REC114: variants seen among roughly 807,000 people sequenced by gnomAD.
REC114 encodes meiotic recombination protein REC114.
Under a neutral mutation model 31.3 loss-of-function variants are expected in REC114, and 27 were observed. That is an observed-to-expected ratio of 0.86 (90% CI 0.64 to 1.19). The LOEUF is 1.19. Among genes scored for constraint, REC114 ranks in the 50% most tolerant of loss-of-function variants. REC114 has a pLI of 0.00. For synonymous variants in REC114, 134 were observed against 127.7 expected, an observed-to-expected ratio of 1.05 and a Z score of -0.33; for missense variants, 344 against 326.9, an observed-to-expected ratio of 1.05 and a Z score of -0.40.
At chr15:73,476,188 T>C (rs1327367483) in intron 2 of REC114, among the ~76,000 whole-genome samples, 1 of 152,232 alleles carries the variant, frequency 6.6e-6, no homozygotes, top group African/African-American at 2.4e-5. Flanking sequence ...ACTATACATA[T>C]ATAACTTAAA....
At chr15:73,505,329 C>T (rs1032588224) in intron 2 of REC114, among the ~76,000 whole-genome samples, 4 of 152,052 alleles carry the variant, frequency 2.6e-5, no homozygotes, top group African/African-American at 7.2e-5. Flanking sequence ...CAGGCTCTAC[C>T]ATGTGTACTC....
In REC114 at chr15:73,551,024, G is replaced by C; in HGVS notation, c.420G>C (p.Leu140=). The change falls in exon 4 of 6, where the codon CTG becomes CTC. Residue 140 remains leucine, a synonymous_variant. Coordinates refer to ENST00000331090, the MANE Select transcript of REC114 (RefSeq NM_001042367.2). The stretch of plus-strand genomic sequence containing the variant: ...ACTGCTGCAGTTGTGTTCAGAAGCT[G>C]GCACAATACATAACCGTGCAGGTGC... The part of the protein sequence containing the change: ...LEHCCSCVQK[L]AQYITVQVPD... 1 of 1,613,894 alleles carries C rather than the reference G, an allele frequency of 6.2e-7. No individual in the cohort carries two copies.
chr15:73,530,019 A>C (rs1441352169), intron 2 of REC114, among the ~76,000 whole-genome samples: 4 of 152,222 alleles, frequency 2.6e-5, no homozygotes, highest in Non-Finnish European at 5.9e-5. Context: ...ACTCCTTCCA[A>C]ATAGCCTATA....
At chr15:73,471,093 A>G (rs1230588135) in intron 1 of REC114, among the ~76,000 whole-genome samples, 6 of 152,160 alleles carry the variant, frequency 3.9e-5, no homozygotes, top group African/African-American at 1.4e-4. Context: ...ACATGATCTG[A>G]CTTATATTTT....
chr15:73,450,801 C>T (rs1466516838), intron 1 of REC114, among the ~76,000 whole-genome samples: 1 of 152,182 alleles, frequency 6.6e-6, no homozygotes, highest in African/African-American at 2.4e-5. Flanking sequence ...GTCCACAGTG[C>T]AATAAAATTA....
chr15:73,540,603 C>T (rs372215460), intron 3 of REC114, 35 bp downstream of exon 3: 7 of 1,552,132 alleles, frequency 4.5e-6, no homozygotes, highest in Non-Finnish European at 6.2e-6. Context: ...CTCTTCTCAT[C>T]TTCTATGTGT....
At position 73,470,435 on chromosome 15, in the gene REC114, A is replaced by G. The variant is rs76564111; in HGVS notation, c.160-3397A>G. The stretch of plus-strand genomic sequence containing the variant: ...CTTCCTTTCACATTTCTTTCAGTGC[A>G]GATCTGCTGGTGATGAATTCTTTCT... On this transcript the variant is annotated intron_variant, in intron 1 of 5. Coordinates refer to ENST00000331090, the MANE Select transcript of REC114 (RefSeq NM_001042367.2). Among the ~76,000 whole-genome samples the G allele has an allele frequency of 5.3e-5, 8 of 152,288 alleles. No homozygotes were observed. The East Asian group carries it at 1.3e-3, about 26-fold the overall frequency.
intron 1 of REC114, among the ~76,000 whole-genome samples, chr15:73,473,569 C>T (rs1893164508): frequency 6.6e-6 from 1 of 152,114 alleles, no homozygotes; most frequent in Admixed American, 6.5e-5. Context: ...GGACCCACAA[C>T]TCATGATTCT....
At chr15:73,526,677 A>G (rs1385885790) in intron 2 of REC114, among the ~76,000 whole-genome samples, 2 of 152,038 alleles carry the variant, frequency 1.3e-5, no homozygotes. Context: ...TTTTCTGCTA[A>G]TTTTATCATC....
intron 2 of REC114, among the ~76,000 whole-genome samples, chr15:73,536,993 C>T (rs1284466058): frequency 6.6e-6 from 1 of 152,082 alleles, no homozygotes; most frequent in Non-Finnish European, 1.5e-5. Flanking sequence ...AGCATAGTAC[C>T]CAATAGATAG....
intron 2 of REC114, among the ~76,000 whole-genome samples, chr15:73,525,568 G>A (rs1448469141): frequency 1.3e-5 from 2 of 150,842 alleles, no homozygotes; most frequent in Middle Eastern, 3.2e-3. Context: ...GTTTTATTCT[G>A]TGATTTTTTT....
intron 3 of REC114, among the ~76,000 whole-genome samples, chr15:73,545,027 A>C (rs1269455824): frequency 1.3e-5 from 2 of 152,220 alleles, no homozygotes; most frequent in Non-Finnish European, 2.9e-5. Flanking sequence ...CTGTGGCCTA[A>C]GCATCTCTGT....
At chr15:73,502,824 G>A (rs1395452863) in intron 2 of REC114, among the ~76,000 whole-genome samples, 2 of 152,150 alleles carry the variant, frequency 1.3e-5, no homozygotes, top group Non-Finnish European at 2.9e-5. Flanking sequence ...TATGGAACCT[G>A]GCACATTCTT....
Position 73,556,502 on chromosome 15 carries a change from A to G in REC114, c.636+111A>G. ...TTAGGAGAGAAACTTCTAAAGCATT[A>G]CTCTAAAAGGTGATAGAGACAGAGA... On this transcript the variant is annotated intron_variant, in intron 5 of 5. Transcript: ENST00000331090. 2.8e-5 allele frequency: 25 copies of G among 890,772 alleles called. 1 individual carries two copies. In the South Asian group the frequency reaches 4.0e-4, roughly 14 times the overall value. 55.2% of individuals were successfully genotyped at this position (890,772 alleles called of 1,614,324 possible).
At chr15:73,558,806 A>G (rs949621263) in intron 5 of REC114, among the ~76,000 whole-genome samples, 2 of 152,246 alleles carry the variant, frequency 1.3e-5, no homozygotes, top group Non-Finnish European at 2.9e-5. Flanking sequence ...CTAGGTATTT[A>G]CTGAAGTGAA....
At chr15:73,469,747 C>T (rs573963859) in intron 1 of REC114, among the ~76,000 whole-genome samples, 4 of 148,166 alleles carry the variant, frequency 2.7e-5, no homozygotes, top group South Asian at 2.1e-4. Context: ...TGCAGTGGCG[C>T]GATCTTGGCT....
chr15:73,479,773 G>T (rs1893267365), intron 2 of REC114, among the ~76,000 whole-genome samples: 2 of 152,102 alleles, frequency 1.3e-5, no homozygotes, highest in African/African-American at 2.4e-5. Flanking sequence ...CTTTTTTAAG[G>T]CTGAATAATA....
Position 73,551,140 on chromosome 15 carries a change from G to A in REC114, c.536G>A (p.Arg179Gln), listed in dbSNP as rs778142964. ...QGKDSAKSVP[R>Q]QPGSHQHSEQ... ...AAGGATTCTGCAAAGAGTGTCCCACGGCAGCCTGGAGTAAGTAGGCTGATG... is the reference window on the plus strand; with the variant it reads ...AAGGATTCTGCAAAGAGTGTCCCACAGCAGCCTGGAGTAAGTAGGCTGATG... Residue 179 changes from arginine to glutamine, a missense_variant, in exon 4 of 6, where the codon CGG becomes CAG. Coordinates refer to ENST00000331090, the MANE Select transcript of REC114 (RefSeq NM_001042367.2). The A allele has an allele frequency of 1.3e-5, 21 of 1,605,038 alleles. No individual in the cohort carries two copies. Among genetic ancestry groups the A allele is most frequent in the South Asian group, 2.2e-5 (2 of 89,778 alleles).
chr15:73,559,589 G>T (rs1361857438), intron 5 of REC114, among the ~76,000 whole-genome samples, 163 bp from the exon 6 acceptor site: 1 of 152,194 alleles, frequency 6.6e-6, no homozygotes, highest in Non-Finnish European at 1.5e-5. Flanking sequence ...AATTGTAAAT[G>T]TAACAGTAAA....
Sources: gnomAD v4.1 joint callset for allele counts (sites outside exome capture counted in the v4.1 genomes callset) on GRCh38, gnomAD v4.1.1 for gene constraint, MANE v1.5 for transcripts, NCBI Gene and HGNC (gene_info 2026-07-23, HGNC 2026-07-21) for gene names.